XYLB: variants seen among roughly 807,000 people sequenced by gnomAD.
XYLB encodes xylulose kinase.
In XYLB, 62 loss-of-function variants were observed where a neutral mutation model predicts 78.7. The ratio of observed to expected loss-of-function variants is 0.79; its 90% CI spans 0.64 to 0.97. The LOEUF is 0.97. XYLB is among the 50% of genes least tolerant of loss of function. The pLI, the probability that XYLB is intolerant of heterozygous loss-of-function variation, is 0.00. For missense variants in XYLB, 687 were observed against 676.8 expected (o/e 1.02, Z -0.17); for synonymous variants, 245 against 247.4 (o/e 0.99, Z 0.09).
At chr3:38,376,793 T>C (rs1706878347) in intron 13 of XYLB, 125 bp from the exon 14 acceptor site, 2 of 707,678 alleles carry the variant, frequency 2.8e-6, no homozygotes, top group East Asian at 2.7e-5. Flanking sequence ...AGGTCTCATC[T>C]GGGGGATGAA....
intron 9 of XYLB, 61 bp from the exon 10 acceptor site, chr3:38,372,594 C>T (rs1364972647): frequency 5.6e-6 from 9 of 1,612,062 alleles, no homozygotes; most frequent in African/African-American, 1.3e-5. Flanking sequence ...GGGTGGGTGG[C>T]TGTGCTGGGC....
At chr3:38,392,478 G>A (rs999299169) in intron 15 of XYLB, among the ~76,000 whole-genome samples, 1 of 152,028 alleles carries the variant, frequency 6.6e-6, no homozygotes, top group Non-Finnish European at 1.5e-5. Context: ...TGTATTTTTA[G>A]TAGAGATGGG....
chr3:38,360,465 CG>C, intron 3 of XYLB, 57 bp downstream of exon 3: 1 of 1,464,878 alleles, frequency 6.8e-7, no homozygotes. Flanking sequence ...CTGGCAGACT[CG>C]GTGATTTGCT....
the XYLB span, among the ~76,000 whole-genome samples, chr3:38,448,400 T>G: frequency 6.6e-6 from 1 of 152,228 alleles, no homozygotes; most frequent in Non-Finnish European, 1.5e-5. Context: ...CAATACACAT[T>G]ATATACATGC....
In XYLB at chr3:38,406,228, C is replaced by T. The variant is rs544712014; in HGVS notation, c.1533+5243C>T. ...ATCAGACAGCAGCATTCGTGGTTCACGAAAATCTGCTGTTCTGCAGCCACC... is the reference window on the plus strand; with the variant it reads ...ATCAGACAGCAGCATTCGTGGTTCATGAAAATCTGCTGTTCTGCAGCCACC... On this transcript the variant is annotated intron_variant, in intron 18 of 18. Coordinates refer to ENST00000207870, the MANE Select transcript of XYLB (RefSeq NM_005108.4). Among the ~76,000 whole-genome samples, 7 of 152,308 alleles carry T rather than the reference C, an allele frequency of 4.6e-5. No homozygotes were observed. The East Asian group carries it at 5.8e-4, about 13-fold the overall frequency.
At chr3:38,381,807 G>A (rs1707158538) in intron 15 of XYLB, among the ~76,000 whole-genome samples, 1 of 152,208 alleles carries the variant, frequency 6.6e-6, no homozygotes, top group African/African-American at 2.4e-5. Flanking sequence ...TGTTACCAAT[G>A]ACAATGGTGC....
At chr3:38,388,890 AAGGC>A (rs899636695) in intron 15 of XYLB, among the ~76,000 whole-genome samples, 4 of 152,192 alleles carry the variant, frequency 2.6e-5, no homozygotes. Flanking sequence ...TAGGCCTATT[AAGGC>A]ATACTTCCTT....
At chr3:38,450,866 T>C in the XYLB span, among the ~76,000 whole-genome samples, 2 of 152,190 alleles carry the variant, frequency 1.3e-5, no homozygotes, top group Non-Finnish European at 2.9e-5. Flanking sequence ...GTTGCAGTAG[T>C]GTACATGGAA....
chr3:38,417,563 C>G (rs1708836959), downstream of XYLB, among the ~76,000 whole-genome samples: 1 of 152,084 alleles, frequency 6.6e-6, no homozygotes, highest in Admixed American at 6.6e-5. Flanking sequence ...TTTCTATGGG[C>G]AACAAGCAGG....
intron 9 of XYLB, chr3:38,372,324 A>T (rs1355841477): frequency 5.5e-5 from 52 of 940,460 alleles, no homozygotes; most frequent in Middle Eastern, 5.4e-4. Context: ...TTTTTTTTTA[A>T]TGCTATATCC....
Position 38,395,569 on chromosome 3 carries a change from C to T in XYLB, c.1350+6C>T, listed in dbSNP as rs200183108. ...ACAATAGAGAAATCTTACAGGTAAG[C>T]GTTAGTAGTGGGCCTTACACCATGG... On this transcript the variant is annotated splice_donor_region_variant and intron_variant, in intron 16 of 18. Coordinates refer to ENST00000207870, the MANE Select transcript of XYLB (RefSeq NM_005108.4). The T allele has an allele frequency of 1.4e-5, 23 of 1,613,914 alleles. No individual in the cohort carries two copies. The highest frequency in any genetic ancestry group is 5.0e-5 in the Admixed American group (3 of 60,000).
At chr3:38,448,953 A>G in the XYLB span, among the ~76,000 whole-genome samples, 2 of 152,138 alleles carry the variant, frequency 1.3e-5, no homozygotes. Flanking sequence ...AGGCTCGCCC[A>G]CACAGCTTTT....
chr3:38,418,107 A>G (rs1708858315), downstream of XYLB, among the ~76,000 whole-genome samples: 1 of 151,160 alleles, frequency 6.6e-6, no homozygotes, highest in Non-Finnish European at 1.5e-5. Context: ...AGACAGGAGA[A>G]TCACTTGAAC....
intron 1 of XYLB, 102 bp downstream of exon 1, chr3:38,347,027 C>T (rs1171693577): frequency 3.3e-6 from 4 of 1,195,060 alleles, no homozygotes; most frequent in African/African-American, 1.6e-5. Context: ...GGCCCGGCCG[C>T]GGGCGCGCCT....
the XYLB span, among the ~76,000 whole-genome samples, chr3:38,433,177 C>G: frequency 1.3e-5 from 2 of 152,246 alleles, no homozygotes; most frequent in Non-Finnish European, 2.9e-5. Context: ...TCAGGGCTTG[C>G]ACCCTCTGAA....
intron 4 of XYLB, 48 bp downstream of exon 4, chr3:38,363,065 G>A: frequency 7.1e-7 from 1 of 1,413,790 alleles, no homozygotes; most frequent in Middle Eastern, 2.0e-4. Context: ...GACTGTCCTG[G>A]GCAATGGTGT....
chr3:38,440,965 C>T, the XYLB span, among the ~76,000 whole-genome samples: 2 of 151,888 alleles, frequency 1.3e-5, no homozygotes, highest in Non-Finnish European at 2.9e-5. Flanking sequence ...CTCTTTCCTT[C>T]TCTGACTTTC....
At chr3:38,415,409 A>G (rs569157054), downstream of XYLB, among the ~76,000 whole-genome samples, 1 of 152,326 alleles carries the variant, frequency 6.6e-6, no homozygotes, top group African/African-American at 2.4e-5. Flanking sequence ...TGACCATTGA[A>G]TATCTTTGTA....
At chr3:38,361,578 G>C (rs1705975401) in intron 3 of XYLB, among the ~76,000 whole-genome samples, 1 of 152,214 alleles carries the variant, frequency 6.6e-6, no homozygotes, top group East Asian at 1.9e-4. Flanking sequence ...TCGGGGGTTA[G>C]AGACAATGGT....
Sources: gnomAD v4.1 joint callset for allele counts (sites outside exome capture counted in the v4.1 genomes callset) on GRCh38, gnomAD v4.1.1 for gene constraint, MANE v1.5 for transcripts, NCBI Gene and HGNC (gene_info 2026-07-23, HGNC 2026-07-21) for gene names.